FBXL17: variants seen among roughly 807,000 people sequenced by gnomAD.
FBXL17 encodes F-box and leucine rich repeat protein 17.
Under a neutral mutation model 66.2 loss-of-function variants are expected in FBXL17, and 22 were observed. The observed-to-expected ratio is 0.33, with a 90% CI of 0.24 to 0.47. The LOEUF (loss-of-function observed/expected upper bound fraction) is 0.47, where lower values mean the gene tolerates loss of function less well. Ranked by LOEUF, FBXL17 falls within the 20% of genes least tolerant of loss-of-function variation. The pLI is 1.00. For synonymous variants in FBXL17, 474 were observed against 400.5 expected (o/e 1.18, Z -2.19); for missense variants, 878 against 948.2 (o/e 0.93, Z 0.97).
At chr5:108,189,976 A>G (rs1753405253) in intron 5 of FBXL17, among the ~76,000 whole-genome samples, 1 of 152,166 alleles carries the variant, frequency 6.6e-6, no homozygotes, top group Non-Finnish European at 1.5e-5. Flanking sequence ...TGAGATCTTG[A>G]TTGCCTTGTG....
At chr5:108,375,468 A>G (rs1176022884) in intron 1 of FBXL17, among the ~76,000 whole-genome samples, 1 of 152,170 alleles carries the variant, frequency 6.6e-6, no homozygotes, top group Non-Finnish European at 1.5e-5. Flanking sequence ...GAACATTAAT[A>G]TCAACCTTAC....
intron 7 of FBXL17, among the ~76,000 whole-genome samples, chr5:108,012,947 G>A (rs183029510): frequency 1.0e-3 from 158 of 150,704 alleles, no homozygotes; most frequent in Middle Eastern, 3.5e-3. Context: ...CCTGGGAGGC[G>A]GAGGTTGCGT....
At chr5:108,116,562 C>T (rs1750263180) in intron 6 of FBXL17, among the ~76,000 whole-genome samples, 1 of 151,750 alleles carries the variant, frequency 6.6e-6, no homozygotes, top group African/African-American at 2.4e-5. Flanking sequence ...GCAGGAGAAT[C>T]GCTTGAACCC....
intron 6 of FBXL17, among the ~76,000 whole-genome samples, chr5:108,171,093 T>C (rs912542201): frequency 6.6e-6 from 1 of 152,224 alleles, no homozygotes; most frequent in Non-Finnish European, 1.5e-5. Context: ...CAGTCCCTTA[T>C]GAGACCTGAA....
chr5:107,875,430 G>A (rs1261602421), intron 8 of FBXL17, among the ~76,000 whole-genome samples: 2 of 152,130 alleles, frequency 1.3e-5, no homozygotes, highest in Non-Finnish European at 2.9e-5. Context: ...GAAATATTTA[G>A]GTTGTTGAGG....
intron 3 of FBXL17, among the ~76,000 whole-genome samples, chr5:108,356,970 CA>C (rs1382319150): frequency 6.6e-6 from 1 of 151,926 alleles, no homozygotes; most frequent in Non-Finnish European, 1.5e-5. Context: ...GAAATGAACC[CA>C]AAACTCCTCT....
At chr5:108,009,193 GCATATATATATATATATA>G (rs1161607092) in intron 7 of FBXL17, among the ~76,000 whole-genome samples, 1 of 30,712 alleles carries the variant, frequency 3.3e-5, no homozygotes, top group African/African-American at 1.5e-4. Flanking sequence ...CATTTGAAAA[GCATATATATATATATATA>G]TATATATATA....
chr5:108,014,554 G>A (rs1210641602), intron 7 of FBXL17, among the ~76,000 whole-genome samples: 1 of 152,202 alleles, frequency 6.6e-6, no homozygotes, highest in Non-Finnish European at 1.5e-5. Context: ...GCAAGACACA[G>A]TGATAAGAGT....
chr5:108,096,549 A>G (rs1023886001), intron 6 of FBXL17, among the ~76,000 whole-genome samples: 3 of 152,210 alleles, frequency 2.0e-5, no homozygotes, highest in African/African-American at 7.2e-5. Flanking sequence ...AGGAGAATAT[A>G]GTCAAGCTTT....
At chr5:108,207,760 G>A (rs543281017) in intron 5 of FBXL17, among the ~76,000 whole-genome samples, 1 of 152,226 alleles carries the variant, frequency 6.6e-6, no homozygotes, top group East Asian at 1.9e-4. Flanking sequence ...CTTTGCTATT[G>A]TGAATAGTGC....
intron 7 of FBXL17, among the ~76,000 whole-genome samples, chr5:107,972,475 T>C (rs538832324): frequency 9.3e-4 from 141 of 152,318 alleles, no homozygotes; most frequent in Non-Finnish European, 1.7e-3. Context: ...GTCTGTATTA[T>C]GTTCCTTGGT....
chr5:108,335,703 TTATACTGATCAGC>T (rs1760346443), intron 4 of FBXL17, among the ~76,000 whole-genome samples: 3 of 152,172 alleles, frequency 2.0e-5, no homozygotes, highest in African/African-American at 7.2e-5. Context: ...CCTCCTATTA[TTATACTGATCAGC>T]AATTAGCATA....
chr5:108,064,771 A>G (rs972648680), intron 6 of FBXL17, among the ~76,000 whole-genome samples: 1 of 152,198 alleles, frequency 6.6e-6, no homozygotes, highest in Non-Finnish European at 1.5e-5. Flanking sequence ...AGTTAGAACT[A>G]AAGGGCTTGG....
chr5:108,365,882 T>C (rs931147905), intron 2 of FBXL17, among the ~76,000 whole-genome samples: 1 of 152,036 alleles, frequency 6.6e-6, no homozygotes, highest in Middle Eastern at 3.2e-3. Context: ...TATGTGTTCG[T>C]CTCATTAAAA....
At chr5:107,878,225 G>C in intron 8 of FBXL17, 2 of 958,562 alleles carry the variant, frequency 2.1e-6, no homozygotes, top group Non-Finnish European at 2.5e-6. Context: ...GCATTCTCTA[G>C]TCTGAATTTA....
intron 6 of FBXL17, among the ~76,000 whole-genome samples, chr5:108,061,776 T>G (rs1747934429): frequency 6.6e-6 from 1 of 152,066 alleles, no homozygotes; most frequent in South Asian, 2.1e-4. Context: ...ATCCTCAGTA[T>G]TTTCACAGGT....
chr5:108,002,443 A>G (rs148823041), intron 7 of FBXL17, among the ~76,000 whole-genome samples: 3 of 152,198 alleles, frequency 2.0e-5, no homozygotes, highest in African/African-American at 7.2e-5. Context: ...ATAAAATACA[A>G]CAAGCATTCT....
chr5:108,022,439 G>A (rs571271144), intron 6 of FBXL17, among the ~76,000 whole-genome samples: 2 of 151,840 alleles, frequency 1.3e-5, no homozygotes, highest in Admixed American at 1.3e-4. Flanking sequence ...ATTTTTACAC[G>A]CTAAGAGTAC....
chr5:108,278,305 G>A (rs901716317), intron 4 of FBXL17, among the ~76,000 whole-genome samples: 3 of 152,202 alleles, frequency 2.0e-5, no homozygotes, highest in African/African-American at 7.2e-5. Context: ...TGAAACCTAA[G>A]AAACAGTAAG....
Sources: allele counts gnomAD v4.1 joint callset (sites outside exome capture counted in the v4.1 genomes callset), GRCh38; gene constraint gnomAD v4.1.1; transcripts MANE v1.5; gene names NCBI Gene and HGNC (gene_info 2026-07-23, HGNC 2026-07-21).